SLC9A7: variants seen among roughly 807,000 people sequenced by gnomAD.
The protein encoded by SLC9A7 is solute carrier family 9 member A7.
In SLC9A7, 19 loss-of-function variants were observed where a neutral mutation model predicts 52.6. The observed-to-expected ratio is 0.36, with a 90% confidence interval of 0.25 to 0.53. The LOEUF is 0.53. SLC9A7 is among the 20% of genes least tolerant of loss of function. The pLI, the probability that SLC9A7 is intolerant of heterozygous loss-of-function variation, is 0.91. For missense variants in SLC9A7, 455 were observed against 597.9 expected, an observed-to-expected ratio of 0.76 and a Z score of 2.49; for synonymous variants, 226 against 252.1, an observed-to-expected ratio of 0.90 and a Z score of 0.98.
intron 1 of SLC9A7, among the ~76,000 whole-genome samples, chrX:46,752,537 T>G (rs1480888348): frequency 1.7e-4 from 19 of 111,458 alleles, no homozygotes; most frequent in African/African-American, 5.9e-4. Flanking sequence ...TGGATTTATC[T>G]GATTGTTTTC....
At chrX:46,639,282 CTT>C (rs767343953) in intron 12 of SLC9A7, among the ~76,000 whole-genome samples, 16 of 96,329 alleles carry the variant, frequency 1.7e-4, no homozygotes, top group Admixed American at 2.3e-4. Flanking sequence ...ATGCTTTCCT[CTT>C]TTTTTTTTTT....
intron 11 of SLC9A7, among the ~76,000 whole-genome samples, chrX:46,645,280 T>C (rs1197649139): frequency 8.9e-6 from 1 of 112,343 alleles, no homozygotes; most frequent in East Asian, 2.8e-4. Flanking sequence ...ATATTCCTAA[T>C]ATGTACATAG....
chrX:46,709,901 C>T (rs950368333), intron 1 of SLC9A7, among the ~76,000 whole-genome samples: 2 of 112,161 alleles, frequency 1.8e-5, no homozygotes, highest in Non-Finnish European at 3.8e-5. Context: ...GTGCCAACTG[C>T]GTTATTACAT....
Position 46,607,312 on chromosome X carries a change from T to C in SLC9A7, c.1930-109A>G, listed in dbSNP as rs187265653. 83 of 920,405 alleles carry C rather than the reference T, an allele frequency of 9.0e-5. No homozygotes were observed. In the East Asian group the frequency reaches 2.4e-3, roughly 27 times the overall value. 75.9% of individuals were successfully genotyped at this position (920,405 alleles called of 1,213,427 possible). ...CTCCTCATCTGAAAACTGGGGACTATGAAACTTGCCTGCCTTGAGCCTCTA... is the reference window on the plus strand; with the variant it reads ...CTCCTCATCTGAAAACTGGGGACTACGAAACTTGCCTGCCTTGAGCCTCTA... On this transcript the variant is annotated intron_variant, in intron 16 of 16. Transcript: ENST00000616978.
At position 46,672,593 on chromosome X, in the gene SLC9A7, G is replaced by C. The variant is rs2146845084; in HGVS notation, c.638C>G (p.Ala213Gly). The change falls in exon 4 of 17, where the codon GCC (alanine) becomes GGC (glycine). Residue 213 changes from alanine (A) to glycine (G), a missense_variant. Coordinates refer to ENST00000616978, the MANE Select transcript of SLC9A7 (RefSeq NM_001257291.2). ...HFFRNLGSIL[A>G]YAFLGTAVSC... ...AACAGCAGTCCCCAAGAAGGCATAG[G>C]CCAGTATAGATCCAAGATTTCTGAA... 1 of 1,205,873 alleles carries C rather than the reference G, an allele frequency of 8.3e-7. No homozygotes were observed. The highest frequency in any genetic ancestry group is 3.0e-5 in the East Asian group (1 of 33,784).
At chrX:46,613,261 G>A in intron 16 of SLC9A7, 28 bp downstream of exon 16, 1 of 1,063,203 alleles carries the variant, frequency 9.4e-7, no homozygotes. Context: ...TGGTGACCAG[G>A]ACTCCAACCC....
At position 46,602,988 on chromosome X, in the gene SLC9A7, A is replaced by T. The variant is rs1942682793; in HGVS notation, c.*3964T>A. The T allele has an allele frequency of 8.9e-6, 1 of 112,686 alleles. No individual in the cohort carries two copies. The highest frequency in any genetic ancestry group is 1.9e-5 in the Non-Finnish European group (1 of 53,358). 9.3% of individuals were successfully genotyped at this position (112,686 alleles called of 1,213,427 possible). On this transcript the variant is annotated 3_prime_UTR_variant, in exon 17 of 17. Coordinates refer to ENST00000616978, the MANE Select transcript of SLC9A7 (RefSeq NM_001257291.2). ...TTCACCAAATATTTGTAATCAAATA[A>T]GGACTTAGAACACTGGAAAGCAGTT...
intron 12 of SLC9A7, among the ~76,000 whole-genome samples, chrX:46,637,676 A>C (rs1943344043): frequency 8.9e-6 from 1 of 112,149 alleles, no homozygotes. Flanking sequence ...GTCAGGACAC[A>C]CACAGGCTCA....
intron 5 of SLC9A7, among the ~76,000 whole-genome samples, chrX:46,666,280 C>A (rs1206871478): frequency 9.0e-6 from 1 of 111,175 alleles, no homozygotes; most frequent in Non-Finnish European, 1.9e-5. Flanking sequence ...CTAATTTTTA[C>A]AATTTTTTTG....
chrX:46,663,176 A>C (rs1943854472), intron 5 of SLC9A7, among the ~76,000 whole-genome samples: 1 of 111,016 alleles, frequency 9.0e-6, no homozygotes, highest in Non-Finnish European at 1.9e-5. Context: ...TCTACTAAAA[A>C]TGCAAAATTA....
At chrX:46,611,100 C>T (rs1942840532) in intron 16 of SLC9A7, among the ~76,000 whole-genome samples, 2 of 111,297 alleles carry the variant, frequency 1.8e-5, no homozygotes, top group Non-Finnish European at 3.8e-5. Context: ...GCCGTCAGCA[C>T]CCTTTGTCTC....
intron 14 of SLC9A7, among the ~76,000 whole-genome samples, chrX:46,624,836 A>G (rs906576897): frequency 8.9e-6 from 1 of 111,908 alleles, no homozygotes. Flanking sequence ...AATACCACCA[A>G]CCCTGCTTAT....
intron 5 of SLC9A7, among the ~76,000 whole-genome samples, chrX:46,667,585 T>C (rs1233735582): frequency 8.9e-6 from 1 of 111,987 alleles, no homozygotes; most frequent in Non-Finnish European, 1.9e-5. Flanking sequence ...GTTACCACAA[T>C]GGACTTGCAG....
At chrX:46,755,329 AAG>A (rs1405461592) in intron 1 of SLC9A7, among the ~76,000 whole-genome samples, 1 of 109,771 alleles carries the variant, frequency 9.1e-6, no homozygotes, top group Non-Finnish European at 1.9e-5. Context: ...GCGAGTGGGA[AAG>A]AGAGGGTGAG....
At chrX:46,710,727 G>A (rs904462622) in intron 1 of SLC9A7, among the ~76,000 whole-genome samples, 15 of 112,077 alleles carry the variant, frequency 1.3e-4, no homozygotes, top group Non-Finnish European at 2.6e-4. Flanking sequence ...TGTTAGTGGG[G>A]AGAGGTGGAG....
chrX:46,640,679 AAACTC>A (rs1300458263), intron 12 of SLC9A7, among the ~76,000 whole-genome samples: 2 of 112,854 alleles, frequency 1.8e-5, no homozygotes, highest in African/African-American at 6.4e-5. Context: ...AGAACTCTAA[AAACTC>A]AACAAAGAAA....
chrX:46,696,679 CAT>C (rs1405064501), intron 1 of SLC9A7, among the ~76,000 whole-genome samples: 9 of 111,617 alleles, frequency 8.1e-5, no homozygotes, highest in Middle Eastern at 4.7e-3. Context: ...GGTAGTGAAA[CAT>C]ATATTCTGCT....
intron 1 of SLC9A7, among the ~76,000 whole-genome samples, chrX:46,741,469 T>C (rs1307706731): frequency 9.0e-6 from 1 of 110,696 alleles, no homozygotes; most frequent in Non-Finnish European, 1.9e-5. Flanking sequence ...AGTCCGGAAA[T>C]AGATCCACAC....
chrX:46,628,931 A>T (rs1346679249), intron 14 of SLC9A7, among the ~76,000 whole-genome samples: 1 of 112,680 alleles, frequency 8.9e-6, no homozygotes, highest in Non-Finnish European at 1.9e-5. Flanking sequence ...AGGAGGTCAG[A>T]CCAGGAGGAA....
Sources: allele counts gnomAD v4.1 joint callset (sites outside exome capture counted in the v4.1 genomes callset), GRCh38; gene constraint gnomAD v4.1.1; transcripts MANE v1.5; gene names NCBI Gene and HGNC (gene_info 2026-07-23, HGNC 2026-07-21).